The following ROBO1 variants were observed in gnomAD, a reference collection of about 807,000 sequenced individuals.
ROBO1 encodes the protein roundabout guidance receptor 1, also known as roundabout homolog 1.
Under a neutral mutation model 195.9 loss-of-function variants are expected in ROBO1, and 149 were observed. That is an observed-to-expected ratio of 0.76 (90% CI 0.67 to 0.87). ROBO1 has a LOEUF of 0.87. Ranked by LOEUF, ROBO1 falls within the 40% of genes least tolerant of loss-of-function variation. The probability of loss-of-function intolerance (pLI) is 0.00; values close to 1 mark genes in which losing one functional copy is unlikely to be tolerated. For missense variants in ROBO1, 1,933 were observed against 2,068.3 expected (o/e 0.93, Z 1.27); for synonymous variants, 816 against 733.2 (o/e 1.11, Z -1.82).
At chr3:79,643,379 G>T (rs983925017) in intron 1 of ROBO1, among the ~76,000 whole-genome samples, 3 of 152,036 alleles carry the variant, frequency 2.0e-5, no homozygotes, top group Non-Finnish European at 4.4e-5. Flanking sequence ...GTGATTGTGT[G>T]AGTCAATACT....
At chr3:79,047,551 A>G (rs1398349984) in intron 3 of ROBO1, among the ~76,000 whole-genome samples, 1 of 152,154 alleles carries the variant, frequency 6.6e-6, no homozygotes, top group African/African-American at 2.4e-5. Flanking sequence ...AAAAAGATCA[A>G]AGCAGTACCT....
intron 19 of ROBO1, among the ~76,000 whole-genome samples, chr3:78,649,935 C>T (rs1315637077): frequency 6.6e-6 from 1 of 151,998 alleles, no homozygotes; most frequent in Non-Finnish European, 1.5e-5. Context: ...CAATGTAGAC[C>T]ATTAAATTAT....
At chr3:79,628,041 G>A (rs556800280) in intron 1 of ROBO1, among the ~76,000 whole-genome samples, 1 of 152,304 alleles carries the variant, frequency 6.6e-6, no homozygotes, top group South Asian at 2.1e-4. Flanking sequence ...TGGTGGGAAC[G>A]TAAGTTAGTT....
At chr3:79,217,625 C>T (rs867462799) in intron 2 of ROBO1, among the ~76,000 whole-genome samples, 2 of 151,878 alleles carry the variant, frequency 1.3e-5, no homozygotes, top group Non-Finnish European at 2.9e-5. Flanking sequence ...TGCATGTCTA[C>T]ATTTTTTCTT....
intron 3 of ROBO1, among the ~76,000 whole-genome samples, chr3:78,947,533 G>A (rs894903576): frequency 7.2e-5 from 11 of 152,116 alleles, no homozygotes; most frequent in African/African-American, 2.7e-4. Context: ...AGTGTGTAGA[G>A]GGAAATTTAT....
Position 79,399,334 on chromosome 3 carries a change from T to C in ROBO1, c.88+190490A>G, listed in dbSNP as rs181999168. Among the ~76,000 whole-genome samples the C allele has an allele frequency of 1.3e-3, 201 of 152,232 alleles. 1 individual carries two copies. The highest frequency in any genetic ancestry group is 4.6e-3 in the African/African-American group (192 of 41,544). On this transcript the variant is annotated intron_variant, in intron 2 of 30. Transcript: ENST00000464233. ...TCCCTTATATTGGTCTATAAGGCCC[T>C]ACGTGACCGGCTGCCCCCCGACCTC...
intron 4 of ROBO1, among the ~76,000 whole-genome samples, chr3:78,857,771 G>A (rs1397463458): frequency 6.6e-6 from 1 of 152,174 alleles, no homozygotes; most frequent in East Asian, 1.9e-4. Flanking sequence ...CTAGGAATTG[G>A]TGAAACTAGA....
chr3:79,070,635 T>A (rs2079072492), intron 3 of ROBO1, among the ~76,000 whole-genome samples: 1 of 151,816 alleles, frequency 6.6e-6, no homozygotes, highest in Non-Finnish European at 1.5e-5. Context: ...GTGAGGTTGT[T>A]GTATTTTTGT....
At chr3:79,015,379 C>CA (rs1559593209) in intron 3 of ROBO1, among the ~76,000 whole-genome samples, 1 of 143,322 alleles carries the variant, frequency 7.0e-6, no homozygotes, top group African/African-American at 2.6e-5. Context: ...CCCTCCCCCA[C>CA]GCCCCCCCCC....
intron 1 of ROBO1, among the ~76,000 whole-genome samples, chr3:79,652,337 ACTTGTTAG>A (rs72380720): frequency 0.23 from 34,263 of 151,852 alleles, 4,090 homozygotes; most frequent in African/African-American, 0.29. Flanking sequence ...CCTCTTCCAC[ACTTGTTAG>A]CTTTCTACTA....
chr3:78,880,679 A>C (rs1304556302), intron 4 of ROBO1, among the ~76,000 whole-genome samples: 1 of 152,214 alleles, frequency 6.6e-6, no homozygotes, highest in Non-Finnish European at 1.5e-5. Flanking sequence ...ACCATTAGGC[A>C]GTTGGAGATC....
chr3:79,271,270 T>C (rs2030528020), intron 2 of ROBO1, among the ~76,000 whole-genome samples: 2 of 151,940 alleles, frequency 1.3e-5, no homozygotes, highest in Admixed American at 1.3e-4. Context: ...GAATCTATCA[T>C]TTATTCTTAC....
At chr3:78,773,723 T>C (rs1222435081) in intron 4 of ROBO1, among the ~76,000 whole-genome samples, 1 of 152,206 alleles carries the variant, frequency 6.6e-6, no homozygotes, top group Non-Finnish European at 1.5e-5. Context: ...CTCATCCTTT[T>C]TCATTGATTC....
intron 1 of ROBO1, among the ~76,000 whole-genome samples, chr3:79,662,389 C>T (rs375389812): frequency 5.6e-4 from 85 of 152,040 alleles, no homozygotes; most frequent in African/African-American, 2.0e-3. Flanking sequence ...GGTTTGTTTT[C>T]TTTTAGATCA....
chr3:78,887,058 T>C (rs1238919764), intron 4 of ROBO1, among the ~76,000 whole-genome samples: 1 of 152,110 alleles, frequency 6.6e-6, no homozygotes, highest in African/African-American at 2.4e-5. Flanking sequence ...AATAATTAAC[T>C]TAGCAAATAT....
chr3:78,767,520 C>T (rs2083261435), intron 4 of ROBO1, among the ~76,000 whole-genome samples: 1 of 152,162 alleles, frequency 6.6e-6, no homozygotes, highest in African/African-American at 2.4e-5. Context: ...CCTGCTTTGG[C>T]CTCCCAAAAT....
intron 2 of ROBO1, among the ~76,000 whole-genome samples, chr3:79,461,333 G>C (rs7623349): frequency 0.034 from 5,211 of 152,096 alleles, 205 homozygotes; most frequent in African/African-American, 0.098. Context: ...CTACTCCTGA[G>C]GTGAATGGGG....
At chr3:78,770,010 TC>T (rs1340218865) in intron 4 of ROBO1, among the ~76,000 whole-genome samples, 8 of 152,284 alleles carry the variant, frequency 5.3e-5, no homozygotes, top group African/African-American at 9.6e-5. Context: ...CTCTTGAGAT[TC>T]TTTCCTTCAT....
chr3:78,647,801 T>C (rs1706395021), intron 19 of ROBO1, 146 bp from the exon 20 acceptor site: 1 of 753,720 alleles, frequency 1.3e-6, no homozygotes, highest in Admixed American at 2.2e-5. Context: ...GATCTATGAA[T>C]AAAACCAATT....
Sources: allele counts gnomAD v4.1 joint callset (sites outside exome capture counted in the v4.1 genomes callset), GRCh38; gene constraint gnomAD v4.1.1; transcripts MANE v1.5; gene names NCBI Gene and HGNC (gene_info 2026-07-23, HGNC 2026-07-21).